AHRR: variants seen among roughly 807,000 people sequenced by gnomAD.
AHRR encodes aryl hydrocarbon receptor repressor.
In AHRR, 28 loss-of-function variants were observed where a neutral mutation model predicts 44.0. The ratio of observed to expected loss-of-function variants is 0.64; its 90% confidence interval spans 0.47 to 0.87. The LOEUF is 0.87. Ranked by LOEUF, AHRR falls within the 40% of genes least tolerant of loss-of-function variation. The pLI is 0.00. For missense variants in AHRR, 990 were observed against 953.9 expected (o/e 1.04, Z -0.50); for synonymous variants, 434 against 407.0 (o/e 1.07, Z -0.80).
chr5:437,881 C>T lies in AHRR; in HGVS notation c.*3047C>T, dbSNP rs1216521230. The T allele has an allele frequency of 6.6e-6, 1 of 152,332 alleles. No individual in the cohort carries two copies. Among genetic ancestry groups the T allele is most frequent in the African/African-American group, 2.4e-5 (1 of 41,462 alleles). 9.4% of individuals were successfully genotyped at this position (152,332 alleles called of 1,614,324 possible). A position where few individuals can be genotyped will look rare whatever the true frequency, so the allele number is the denominator to read the frequency against. ...CTTTGGTTATTTTATAGCCACAACC[C>T]TCTTGGAAAACAGTGGGGAAGACTA... is the stretch of plus-strand genomic sequence containing the variant. On this transcript the variant is annotated 3_prime_UTR_variant, in exon 11 of 11. Coordinates refer to ENST00000684583, the MANE Select transcript of AHRR (RefSeq NM_001377236.1).
intron 4 of AHRR, among the ~76,000 whole-genome samples, chr5:401,623 G>A (rs1022410047): frequency 4.6e-5 from 7 of 152,188 alleles, no homozygotes; most frequent in African/African-American, 1.4e-4. Context: ...ATGCGGCGGC[G>A]AAAGGCAGGT....
chr5:393,055 G>GT (rs1479563547), intron 4 of AHRR, among the ~76,000 whole-genome samples: 1 of 152,008 alleles, frequency 6.6e-6, no homozygotes, highest in Non-Finnish European at 1.5e-5. Flanking sequence ...CATCCTTTGG[G>GT]TTTTTTCCTC....
intron 3 of AHRR, among the ~76,000 whole-genome samples, chr5:375,428 G>A (rs1353419087): frequency 1.3e-5 from 2 of 152,188 alleles, no homozygotes; most frequent in Admixed American, 6.5e-5. Flanking sequence ...GCTTTGGAAA[G>A]GGCTGTGTCT....
intron 2 of AHRR, among the ~76,000 whole-genome samples, chr5:345,835 C>T (rs935925572): frequency 2.0e-5 from 3 of 152,162 alleles, no homozygotes; most frequent in Middle Eastern, 3.4e-3. Flanking sequence ...GTAAGGCCTC[C>T]CTTGGGAAGG....
At chr5:328,979 A>C (rs1233688452) in intron 1 of AHRR, among the ~76,000 whole-genome samples, 1 of 152,190 alleles carries the variant, frequency 6.6e-6, no homozygotes, top group Non-Finnish European at 1.5e-5. Context: ...TCTCATCCTG[A>C]ATTATAATCC....
At position 346,091 on chromosome 5, in the gene AHRR, C is replaced by CCAAG. The variant is rs139381067; in HGVS notation, c.62+2128_62+2131dup. 3.2e-3 allele frequency among the ~76,000 whole-genome samples: 487 copies of CCAAG among 152,294 alleles called. 18 individuals carry two copies. In the East Asian group the frequency reaches 0.086, roughly 27 times the overall value. On this transcript the variant is annotated intron_variant, in intron 2 of 10. Coordinates refer to ENST00000684583, the MANE Select transcript of AHRR (RefSeq NM_001377236.1). ...GCCAGGCACACAGCCGAGGCCGGGA[C>CCAAG]CAAGGGCTGCAGAAGAAACAGCACA... is the stretch of plus-strand genomic sequence containing the variant.
chr5:391,198 C>T (rs903245286), intron 4 of AHRR, among the ~76,000 whole-genome samples: 11 of 152,236 alleles, frequency 7.2e-5, no homozygotes, highest in Admixed American at 6.5e-4. Flanking sequence ...AACTCCAGGC[C>T]AACAGGGCTG....
At chr5:403,377 T>C (rs1735104238) in intron 4 of AHRR, among the ~76,000 whole-genome samples, 1 of 152,228 alleles carries the variant, frequency 6.6e-6, no homozygotes, top group Non-Finnish European at 1.5e-5. Flanking sequence ...TGGCTCACCC[T>C]GTAATCCCAG....
chr5:325,434 G>C (rs576848877), intron 1 of AHRR, among the ~76,000 whole-genome samples: 1 of 152,320 alleles, frequency 6.6e-6, no homozygotes, highest in African/African-American at 2.4e-5. Flanking sequence ...GTGCGGCTTG[G>C]GAGTTTCCTG....
chr5:423,937 G>A lies in AHRR; in HGVS notation c.668G>A (p.Cys223Tyr). The change falls in exon 7 of 11, where the codon TGC (cysteine) becomes TAC (tyrosine). Residue 223 changes from cysteine to tyrosine, a missense_variant. By Grantham distance (194) the Cys-to-Tyr change is radical (BLOSUM62 -2). Coordinates refer to ENST00000684583, the MANE Select transcript of AHRR (RefSeq NM_001377236.1). ...YSAFLTRCFICRVRCLLDSTS... is the reference protein window; with the variant it reads ...YSAFLTRCFIYRVRCLLDSTS... ...GCCTTCCTGACCCGCTGCTTCATCT[G>A]CCGTGTGCGCTGCCTGCTGGACAGC... 1 of 1,601,926 alleles carries A rather than the reference G, an allele frequency of 6.2e-7. No individual in the cohort carries two copies. The highest frequency in any genetic ancestry group is 8.5e-7 in the Non-Finnish European group (1 of 1,179,882).
rs985593191 is a variant in AHRR, at chr5:387,968, T to A, written c.351+11252T>A. 3.9e-5 allele frequency among the ~76,000 whole-genome samples: 6 copies of A among 152,200 alleles called. No individual in the cohort carries two copies. The highest frequency in any genetic ancestry group is 8.8e-5 in the Non-Finnish European group (6 of 68,032). Reference sequence around the variant, plus strand: ...CCCCCTCGCTTCTGGAATGTTCTTCTTGTGAATCTGCATCTCTGTCAGTGT... The same window carrying A: ...CCCCCTCGCTTCTGGAATGTTCTTCATGTGAATCTGCATCTCTGTCAGTGT... On this transcript the variant is annotated intron_variant, in intron 4 of 10. Transcript: ENST00000684583. This position sits in a 1 kb window ranked among gnomAD's most constrained non-coding sequence, Gnocchi z 5.1.
chr5:324,045 TTCTCTCTCTC>T (rs535547539), intron 1 of AHRR, among the ~76,000 whole-genome samples: 1 of 123,366 alleles, frequency 8.1e-6, no homozygotes, highest in South Asian at 2.7e-4. Context: ...CTGTCTCTCT[TTCTCTCTCTC>T]TCTCTTTCTT....
chr5:376,550 GA>G, intron 3 of AHRR, 59 bp from the exon 4 acceptor site: 2 of 1,422,296 alleles, frequency 1.4e-6, no homozygotes, highest in Non-Finnish European at 1.9e-6. Flanking sequence ...AGATGTGAAT[GA>G]AGAAGAGTGG....
chr5:425,386 C>T (rs1375201803), intron 7 of AHRR, among the ~76,000 whole-genome samples: 4 of 152,178 alleles, frequency 2.6e-5, no homozygotes, highest in African/African-American at 9.6e-5. Flanking sequence ...GGTGCAATCT[C>T]GGCTCACTGC....
chr5:426,330 TGATGGATG>T (rs142659908), intron 7 of AHRR, among the ~76,000 whole-genome samples: 1 of 143,302 alleles, frequency 7.0e-6, no homozygotes, highest in Non-Finnish European at 1.5e-5. Context: ...GATAGGAAGA[TGATGGATG>T]GATGGATGGG....
chr5:428,020 GC>G lies in AHRR; in HGVS notation c.908+17del, dbSNP rs1736547236. On this transcript the variant is annotated intron_variant, in intron 8 of 10. Transcript: ENST00000684583. ...CGCGGATGCAAAGTGAGTAAGACTC[GC>G]CCTTCACAGCCACATGGTGCCTGCT... 1 of 1,610,214 alleles carries G rather than the reference GC, an allele frequency of 6.2e-7. No homozygotes were observed. Among genetic ancestry groups the G allele is most frequent in the African/African-American group, 1.3e-5 (1 of 74,872 alleles).
chr5:415,440 C>G (rs374722732), intron 5 of AHRR, among the ~76,000 whole-genome samples: 1,036 of 32,940 alleles, frequency 0.031, 36 homozygotes, highest in African/African-American at 0.085. Flanking sequence ...TCTGCCTGGT[C>G]GGGCGGGAGG....
intron 4 of AHRR, 142 bp downstream of exon 4, chr5:376,858 G>A (rs1733730538): frequency 1.4e-6 from 1 of 740,558 alleles, no homozygotes; most frequent in Non-Finnish European, 2.2e-6. Flanking sequence ...TAACTGTCAG[G>A]AAGCGTAGGC....
intron 2 of AHRR, 78 bp from the exon 3 acceptor site, chr5:353,652 G>T: frequency 7.1e-7 from 1 of 1,398,906 alleles, no homozygotes. Context: ...TAAGGTCACT[G>T]CAGAGGACGG....
Sources: gnomAD v4.1 joint callset for allele counts (sites outside exome capture counted in the v4.1 genomes callset) on GRCh38, gnomAD v4.1.1 for gene constraint, Gnocchi (gnomAD v3.1) non-coding constraint, MANE v1.5 for transcripts, NCBI Gene and HGNC (gene_info 2026-07-23, HGNC 2026-07-21) for gene names.